The following FRMD6 variants were observed in gnomAD, a reference collection of about 807,000 sequenced individuals.
FRMD6 encodes the protein FERM domain-containing protein 6.
Under a neutral mutation model 73.2 loss-of-function variants are expected in FRMD6, and 37 were observed. That is an observed-to-expected ratio of 0.51 (90% confidence interval 0.39 to 0.66). FRMD6 has a LOEUF of 0.66. FRMD6 is among the 30% of genes least tolerant of loss of function. The probability of loss-of-function intolerance (pLI) is 0.00; values close to 1 mark genes in which losing one functional copy is unlikely to be tolerated. For synonymous variants in FRMD6, 273 were observed against 282.2 expected (o/e 0.97, Z 0.33); for missense variants, 714 against 780.5 (o/e 0.91, Z 1.02).
chr14:51,629,026 G>A (rs1049408854), intron 2 of FRMD6, among the ~76,000 whole-genome samples: 10 of 151,324 alleles, frequency 6.6e-5, no homozygotes, highest in East Asian at 2.0e-4. Flanking sequence ...ACAGACGCCC[G>A]CCACCACGCC....
At chr14:51,443,514 C>A in the FRMD6 span, among the ~76,000 whole-genome samples, 3 of 152,190 alleles carry the variant, frequency 2.0e-5, no homozygotes, top group East Asian at 1.9e-4. Context: ...TATGAATGAG[C>A]AAAACACCCT....
intron 1 of FRMD6, among the ~76,000 whole-genome samples, chr14:51,558,393 G>C (rs1053536679): frequency 1.3e-5 from 2 of 151,870 alleles, no homozygotes; most frequent in African/African-American, 2.4e-5. Flanking sequence ...ACTTGAACCT[G>C]GGAGGTGGAG....
At chr14:51,698,059 C>A in intron 2 of FRMD6, 83 bp from the exon 3 acceptor site, 1 of 869,602 alleles carries the variant, frequency 1.1e-6, no homozygotes, top group Non-Finnish European at 1.9e-6. Context: ...AATATATTTA[C>A]GATGCATTAA....
intron 1 of FRMD6, among the ~76,000 whole-genome samples, chr14:51,493,668 G>A (rs1883139229): frequency 6.6e-6 from 1 of 152,134 alleles, no homozygotes; most frequent in African/African-American, 2.4e-5. Flanking sequence ...AATACACGAG[G>A]AAATGTCAAT....
the FRMD6 span, among the ~76,000 whole-genome samples, chr14:51,413,558 A>G: frequency 6.6e-6 from 1 of 152,132 alleles, no homozygotes; most frequent in Admixed American, 6.5e-5. Flanking sequence ...CCAGTCTATC[A>G]TTGATGGACA....
intron 5 of FRMD6, among the ~76,000 whole-genome samples, chr14:51,702,851 G>A (rs1896407968): frequency 6.6e-6 from 1 of 151,842 alleles, no homozygotes; most frequent in South Asian, 2.1e-4. Context: ...GTATCTATTG[G>A]CCCACATTTT....
rs140898486 is a variant in FRMD6 at position 51,503,620 on chromosome 14, C to T, written c.-210+14200C>T. Among the ~76,000 whole-genome samples the T allele has an allele frequency of 3.0e-4, 45 of 151,480 alleles. No individual in the cohort carries two copies. In the East Asian group the frequency reaches 5.6e-3, roughly 19 times the overall value. ...TAACATGCTGCTGGATTCGGTTTGC[C>T]AGTATTTTATTGAGGATTTTTGCAT... On this transcript the variant is annotated intron_variant, in intron 1 of 14. Transcript: ENST00000356218.
chr14:51,486,278 C>G (rs1370043279), upstream of FRMD6, among the ~76,000 whole-genome samples: 1 of 152,132 alleles, frequency 6.6e-6, no homozygotes, highest in African/African-American at 2.4e-5. Context: ...TGTTGATCCG[C>G]CCTCCTCGGC....
the FRMD6 span, among the ~76,000 whole-genome samples, chr14:51,463,115 G>A: frequency 2.6e-5 from 4 of 152,296 alleles, no homozygotes; most frequent in Admixed American, 1.3e-4. Context: ...TTTCCCTATC[G>A]CATTCAACCA....
intron 2 of FRMD6, among the ~76,000 whole-genome samples, 158 bp downstream of exon 2, chr14:51,690,093 G>A (rs1374522336): frequency 2.6e-5 from 4 of 152,168 alleles, no homozygotes; most frequent in African/African-American, 7.2e-5. Context: ...CATTAACTTA[G>A]CTTTGTGGCT....
chr14:51,708,385 C>T (rs1227193528), intron 7 of FRMD6, 152 bp downstream of exon 7: 41 of 737,844 alleles, frequency 5.6e-5, no homozygotes, highest in Admixed American at 1.2e-4. Context: ...TTTTTGTTAT[C>T]GCACGTCAGT....
the FRMD6 span, among the ~76,000 whole-genome samples, chr14:51,464,396 GA>G: frequency 0.22 from 31,981 of 146,562 alleles, 3,935 homozygotes; most frequent in African/African-American, 0.34. Flanking sequence ...AAAGGTGAAG[GA>G]AAAAAAAAAA....
In FRMD6 at chr14:51,710,421, A is replaced by G. The variant is rs376621449; in HGVS notation, c.715-1110A>G. Among the ~76,000 whole-genome samples the G allele has an allele frequency of 1.7e-4, 26 of 152,270 alleles. No individual in the cohort carries two copies. In the East Asian group the frequency reaches 4.8e-3, roughly 28 times the overall value. On this transcript the variant is annotated intron_variant, in intron 7 of 13. Coordinates refer to ENST00000344768, the MANE Select transcript of FRMD6 (RefSeq NM_001267046.2). ...ATATACCGTATACTTGAAAACCAGC[A>G]TTTTTATGAGCATAGCCTTATTTTG...
chr14:51,429,554 C>T, the FRMD6 span, among the ~76,000 whole-genome samples: 1 of 152,270 alleles, frequency 6.6e-6, no homozygotes, highest in East Asian at 1.9e-4. Flanking sequence ...AAGTAAACTA[C>T]TTTTATGTGG....
At chr14:51,526,537 G>T (rs1294762698) in intron 1 of FRMD6, among the ~76,000 whole-genome samples, 1 of 152,102 alleles carries the variant, frequency 6.6e-6, no homozygotes. Context: ...ACAGTGATAG[G>T]TCCCTGTCCC....
intron 1 of FRMD6, among the ~76,000 whole-genome samples, chr14:51,674,365 G>T (rs1341456934): frequency 6.6e-6 from 1 of 152,084 alleles, no homozygotes; most frequent in East Asian, 1.9e-4. Flanking sequence ...TTAATTGTAG[G>T]CAATATATAG....
intron 1 of FRMD6, among the ~76,000 whole-genome samples, chr14:51,556,856 T>C (rs1439713950): frequency 6.6e-6 from 1 of 152,160 alleles, no homozygotes; most frequent in Non-Finnish European, 1.5e-5. Flanking sequence ...TTTATTCAAG[T>C]GGCTTCCAAA....
At chr14:51,510,992 C>T (rs61969794) in intron 1 of FRMD6, among the ~76,000 whole-genome samples, 6 of 152,030 alleles carry the variant, frequency 3.9e-5, no homozygotes, top group South Asian at 2.1e-4. Context: ...TCCCCGCCCC[C>T]GCCAAGAGGC....
chr14:51,727,309 GAA>G (rs548953904), intron 13 of FRMD6, among the ~76,000 whole-genome samples: 1 of 145,164 alleles, frequency 6.9e-6, no homozygotes. Flanking sequence ...ATATCCTACT[GAA>G]AAAAAAAAAG....
Sources: allele counts gnomAD v4.1 joint callset (sites outside exome capture counted in the v4.1 genomes callset), GRCh38; gene constraint gnomAD v4.1.1; transcripts MANE v1.5; gene names NCBI Gene and HGNC (gene_info 2026-07-23, HGNC 2026-07-21).